Variants in OR3A2 observed in about 807,000 individuals in gnomAD.
The protein encoded by OR3A2 is olfactory receptor 3A2.
For missense variants in OR3A2, 318 were observed against 392.8 expected (o/e 0.81, Z 1.61); for synonymous variants, 126 against 159.3 (o/e 0.79, Z 1.57).
chr17:3,372,884 G>A (rs1224264973), intron 2 of OR3A2, among the ~76,000 whole-genome samples: 2 of 140,454 alleles, frequency 1.4e-5, no homozygotes, highest in African/African-American at 5.4e-5. Flanking sequence ...AGAGGGAGAG[G>A]GAGAGGGAGA....
chr17:3,307,127 G>A (rs983902300), intron 3 of OR3A2, among the ~76,000 whole-genome samples: 3 of 152,216 alleles, frequency 2.0e-5, no homozygotes, highest in Admixed American at 6.5e-5. Flanking sequence ...TGCATGTACT[G>A]CCTTTGGATT....
rs967954612 is a variant in OR3A2 at position 3,344,803 on chromosome 17, C to T, written c.-178-8677G>A. Among the ~76,000 whole-genome samples the T allele has an allele frequency of 5.3e-5, 8 of 152,062 alleles. No individual in the cohort carries two copies. In the East Asian group the frequency reaches 1.5e-3, roughly 29 times the overall value. ...ATAGCTTTAGGGAAGGGCATCTGAC[C>T]CAAGTTGATCCAACCAAAGTGAATC... is the stretch of plus-strand genomic sequence containing the variant. On this transcript the variant is annotated intron_variant, in intron 2 of 4. Coordinates refer to the OR3A2 transcript ENST00000573491.
At chr17:3,284,986 G>T (rs2048799171), upstream of OR3A2, among the ~76,000 whole-genome samples, 1 of 152,120 alleles carries the variant, frequency 6.6e-6, no homozygotes, top group South Asian at 2.1e-4. Flanking sequence ...CAGTAGTGAG[G>T]CGCTTTCTCT....
chr17:3,315,753 G>T (rs1049143727), intron 3 of OR3A2, among the ~76,000 whole-genome samples: 2 of 95,758 alleles, frequency 2.1e-5, no homozygotes, highest in African/African-American at 6.2e-5. Context: ...TGAAAATATG[G>T]GGGGGGGGGC....
At chr17:3,325,817 C>T (rs562133729) in intron 3 of OR3A2, among the ~76,000 whole-genome samples, 45 of 152,072 alleles carry the variant, frequency 3.0e-4, no homozygotes, top group Admixed American at 1.3e-4. Flanking sequence ...CCAGGGTATA[C>T]GTGCAGGATG....
chr17:3,296,316 T>C (rs536446474), intron 3 of OR3A2, among the ~76,000 whole-genome samples: 1 of 152,094 alleles, frequency 6.6e-6, no homozygotes, highest in African/African-American at 2.4e-5. Flanking sequence ...CAGCAGCACA[T>C]TTTAAAAAAT....
Position 3,291,792 on chromosome 17 carries a change from C to T in OR3A2, c.-84-12639G>A, listed in dbSNP as rs540886927. The T allele has an allele frequency of 1.5e-5, 25 of 1,613,698 alleles. No individual in the cohort carries two copies. Among genetic ancestry groups the T allele is most frequent in the South Asian group, 1.4e-4 (13 of 91,066 alleles). On this transcript the variant is annotated intron_variant, in intron 3 of 4. Coordinates refer to the OR3A2 transcript ENST00000573491. The stretch of plus-strand genomic sequence containing the variant: ...GTCTGAAAGCTTGGTTGAACCCAGT[C>T]GCATATAGTTAAAGATACCTGAACC...
chr17:3,318,095 G>T (rs1359847304), intron 3 of OR3A2, among the ~76,000 whole-genome samples: 5 of 152,184 alleles, frequency 3.3e-5, no homozygotes, highest in African/African-American at 1.2e-4. Context: ...AGTCTTCAAA[G>T]AAAGGTTCCC....
At chr17:3,382,509 T>G (rs965570816) in intron 2 of OR3A2, among the ~76,000 whole-genome samples, 11 of 152,158 alleles carry the variant, frequency 7.2e-5, no homozygotes, top group Non-Finnish European at 1.5e-4. Flanking sequence ...CTGCAGAGAG[T>G]ACTGAGTTCT....
At chr17:3,380,867 G>T (rs751245369) in intron 2 of OR3A2, among the ~76,000 whole-genome samples, 1 of 152,158 alleles carries the variant, frequency 6.6e-6, no homozygotes, top group Admixed American at 6.5e-5. Context: ...GCGGACTTGA[G>T]GCAAGAGAGA....
chr17:3,292,010 GGA>G (rs1232569239), intron 3 of OR3A2: 2 of 1,614,118 alleles, frequency 1.2e-6, no homozygotes, highest in Non-Finnish European at 1.7e-6. Context: ...TGCTGGAGCA[GGA>G]GAGCTGGAAG....
At chr17:3,278,365 G>C in exon 2 of OR3A2, 4 of 1,614,186 alleles carry the variant, frequency 2.5e-6, no homozygotes, top group Non-Finnish European at 3.4e-6. Context: ...AAGAGCTGTG[G>C]GAGGTCACAG....
chr17:3,370,628 T>C (rs2049605976), intron 2 of OR3A2, among the ~76,000 whole-genome samples: 1 of 97,722 alleles, frequency 1.0e-5, no homozygotes, highest in Admixed American at 1.2e-4. Context: ...CTATTTGTTC[T>C]TTCGGATTTT....
intron 2 of OR3A2, among the ~76,000 whole-genome samples, chr17:3,359,347 TG>T (rs1272255129): frequency 6.6e-6 from 1 of 151,728 alleles, no homozygotes; most frequent in Non-Finnish European, 1.5e-5. Context: ...TTGGCTTCTT[TG>T]TGTGGTTGTT....
chr17:3,328,009 C>A (rs1749661397), intron 3 of OR3A2, among the ~76,000 whole-genome samples: 1 of 136,936 alleles, frequency 7.3e-6, no homozygotes, highest in African/African-American at 2.9e-5. Context: ...CAGCTTTGTT[C>A]TTTTGGCTTA....
chr17:3,376,315 A>C (rs1218816816), intron 2 of OR3A2, among the ~76,000 whole-genome samples: 2 of 152,162 alleles, frequency 1.3e-5, no homozygotes, highest in Non-Finnish European at 2.9e-5. Context: ...AGGATAAATA[A>C]TGGGGTTTCT....
intron 2 of OR3A2, among the ~76,000 whole-genome samples, chr17:3,354,294 A>G (rs1393982750): frequency 6.6e-6 from 1 of 151,140 alleles, no homozygotes; most frequent in Non-Finnish European, 1.5e-5. Context: ...TCAGCAGTGA[A>G]GCCATTGCGT....
At chr17:3,345,711 A>T (rs762429934) in intron 2 of OR3A2, among the ~76,000 whole-genome samples, 3 of 152,176 alleles carry the variant, frequency 2.0e-5, no homozygotes, top group Admixed American at 1.3e-4. Context: ...ATGAATTTTT[A>T]AAAAGGCCCC....
intron 3 of OR3A2, among the ~76,000 whole-genome samples, chr17:3,328,614 G>A (rs1372259246): frequency 2.7e-5 from 4 of 148,378 alleles, no homozygotes; most frequent in Admixed American, 6.8e-5. Context: ...AGTGGTGAGA[G>A]AGGGCATCCC....
Sources: gnomAD v4.1 joint callset for allele counts (sites outside exome capture counted in the v4.1 genomes callset) on GRCh38, gnomAD v4.1.1 for gene constraint, MANE v1.5 for transcripts, NCBI Gene and HGNC (gene_info 2026-07-23, HGNC 2026-07-21) for gene names.